ZFHX3: variants seen among roughly 807,000 people sequenced by gnomAD.
The protein encoded by ZFHX3 is zinc finger homeobox 3.
Under a neutral mutation model 279.1 loss-of-function variants are expected in ZFHX3, and 42 were observed. The observed-to-expected ratio is 0.15, with a 90% CI of 0.12 to 0.19. The LOEUF (loss-of-function observed/expected upper bound fraction) is 0.19, where lower values mean the gene tolerates loss of function less well. Ranked by LOEUF, ZFHX3 falls within the 10% of genes least tolerant of loss-of-function variation. The pLI, the probability that ZFHX3 is intolerant of heterozygous loss-of-function variation, is 1.00. For synonymous variants in ZFHX3, 2,293 were observed against 1,957.8 expected, an observed-to-expected ratio of 1.17 and a Z score of -4.52; for missense variants, 4,981 against 4,754.0, an observed-to-expected ratio of 1.05 and a Z score of -1.40.
chr16:73,393,895 AT>A (rs1172570931), intron 3 of ZFHX3, among the ~76,000 whole-genome samples: 1 of 148,114 alleles, frequency 6.8e-6, no homozygotes, highest in East Asian at 1.9e-4. Flanking sequence ...CATGTATATC[AT>A]ATATGTGATA....
chr16:72,811,846 T>TG, intron 6 of ZFHX3, 59 bp downstream of exon 6: 1 of 1,602,116 alleles, frequency 6.2e-7, no homozygotes, highest in Non-Finnish European at 8.5e-7. Context: ...AAAAGTTTGT[T>TG]CCCTACCAAT....
intron 1 of ZFHX3, among the ~76,000 whole-genome samples, chr16:73,022,794 T>C (rs1379531811): frequency 6.6e-6 from 1 of 152,102 alleles, no homozygotes; most frequent in Non-Finnish European, 1.5e-5. Context: ...AAAAAGTAGA[T>C]GTTCCTTCCA....
chr16:73,354,155 A>C (rs113189653), intron 3 of ZFHX3, among the ~76,000 whole-genome samples: 37 of 152,324 alleles, frequency 2.4e-4, no homozygotes, highest in African/African-American at 8.2e-4. Context: ...GCACGCACTT[A>C]CACTAAAACT....
In ZFHX3 at chr16:72,959,198, A is replaced by C. The variant is rs117011203; in HGVS notation, c.948T>G (p.Ile316Met). 6.2e-7 allele frequency: 1 copy of C among 1,614,174 alleles called. No individual in the cohort carries two copies. The highest frequency in any genetic ancestry group is 1.7e-5 in the Admixed American group (1 of 60,030). The stretch of plus-strand genomic sequence containing the variant: ...TAGCGGAGATGTTCTTATTGCTAAG[A>C]ATTTTCCGCTCGTCTTCGCTCAGGG... ...RMTLSEDERK[I>M]LSNKNISAII... is the part of the protein sequence containing the mutation. The change falls in exon 2 of 10, where the codon ATT becomes ATG. Residue 316 changes from isoleucine (I) to methionine (M), a missense_variant. By Grantham distance (10) the Ile-to-Met change is conservative. Around this residue, in one of 7 missense-constraint regions of ZFHX3, gnomAD observed 1,068 missense variants for 935.2 expected, o/e 1.14. Coordinates refer to ENST00000268489, the MANE Select transcript of ZFHX3 (RefSeq NM_006885.4).
At chr16:73,227,255 A>T (rs756657129) in intron 5 of ZFHX3, among the ~76,000 whole-genome samples, 2 of 152,226 alleles carry the variant, frequency 1.3e-5, no homozygotes, top group African/African-American at 4.8e-5. Context: ...TGTGGTTCTT[A>T]ATAAGATTTT....
At position 72,787,039 on chromosome 16, in the gene ZFHX3, CTTTTTTTT is replaced by C. The variant is rs76239888; in HGVS notation, c.*117_*124del. On this transcript the variant is annotated 3_prime_UTR_variant, in exon 10 of 10. Coordinates refer to ENST00000268489, the MANE Select transcript of ZFHX3 (RefSeq NM_006885.4). ...ACAACCCACGCTTTTTCTTTTTTTT[CTTTTTTTT>C]TTTTTTTTTGTTTTTTGGTTAGAAG... 61 of 684,962 alleles carry C rather than the reference CTTTTTTTT, an allele frequency of 8.9e-5. 2 individuals are homozygous for C. In the South Asian group the frequency reaches 1.5e-3, roughly 17 times the overall value. The allele number at this position is 684,962 out of a possible 1,614,324, so 42.4% of individuals were successfully genotyped here. A position where few individuals can be genotyped will look rare whatever the true frequency, so the allele number is the denominator to read the frequency against.
At chr16:73,009,969 C>A (rs1328105584) in intron 1 of ZFHX3, among the ~76,000 whole-genome samples, 1 of 148,334 alleles carries the variant, frequency 6.7e-6, no homozygotes, top group Admixed American at 6.9e-5. Flanking sequence ...TGCAGTGAGC[C>A]GAGATTGCAT....
At chr16:72,803,507 A>T (rs1358119589) in intron 7 of ZFHX3, among the ~76,000 whole-genome samples, 1 of 152,178 alleles carries the variant, frequency 6.6e-6, no homozygotes, top group Admixed American at 6.5e-5. Context: ...TGGTCCTACC[A>T]CCAATTTTCC....
intron 2 of ZFHX3, among the ~76,000 whole-genome samples, chr16:73,539,889 T>G (rs542006560): frequency 6.6e-6 from 1 of 152,296 alleles, no homozygotes; most frequent in South Asian, 2.1e-4. Context: ...AGAAATTGCT[T>G]TTCGACGCCC....
intron 1 of ZFHX3, among the ~76,000 whole-genome samples, chr16:73,832,250 C>T (rs1961018176): frequency 6.6e-6 from 1 of 151,616 alleles, no homozygotes; most frequent in East Asian, 1.9e-4. Context: ...GGTTTTTGAC[C>T]CAGGTGGCAG....
chr16:73,018,283 C>G lies in ZFHX3; in HGVS notation c.-50+29469G>C, dbSNP rs560834040. Among the ~76,000 whole-genome samples the G allele has an allele frequency of 3.3e-3, 508 of 151,750 alleles. 1 individual carries two copies. The highest frequency in any genetic ancestry group is 7.4e-3 in the South Asian group (35 of 4,750). ...CTGGGATGACAGGCGTGAGCATACA[C>G]GCCTGGCCATGGTTTTGATCTTATA... On this transcript the variant is annotated intron_variant, in intron 1 of 9. Transcript: ENST00000268489.
At chr16:73,199,794 C>T (rs1968229300) in intron 5 of ZFHX3, among the ~76,000 whole-genome samples, 1 of 152,128 alleles carries the variant, frequency 6.6e-6, no homozygotes, top group Admixed American at 6.6e-5. Flanking sequence ...AGAGGGTGAA[C>T]GAGGCCAACT....
chr16:73,717,644 G>A (rs2053429169), intron 1 of ZFHX3, among the ~76,000 whole-genome samples: 1 of 152,108 alleles, frequency 6.6e-6, no homozygotes, highest in Non-Finnish European at 1.5e-5. Flanking sequence ...AGGAGGGTTG[G>A]AGCTTACTCT....
At chr16:73,072,447 A>G (rs1965836070) in intron 8 of ZFHX3, among the ~76,000 whole-genome samples, 1 of 145,424 alleles carries the variant, frequency 6.9e-6, no homozygotes, top group Non-Finnish European at 1.5e-5. Context: ...TCCGTCTCAA[A>G]AAAAAAAAAA....
intron 9 of ZFHX3, chr16:72,789,273 C>T (rs1448540364): frequency 1.2e-5 from 2 of 160,682 alleles, no homozygotes; most frequent in African/African-American, 4.8e-5. Flanking sequence ...ACTTCCCCTT[C>T]CAGCCAAACA....
intron 2 of ZFHX3, among the ~76,000 whole-genome samples, chr16:73,532,929 G>A (rs984523844): frequency 1.3e-5 from 2 of 152,104 alleles, no homozygotes; most frequent in African/African-American, 4.8e-5. Context: ...TAAAGGGGGG[G>A]CCTTCTGCCA....
At chr16:73,570,298 C>G (rs2051720197) in intron 2 of ZFHX3, among the ~76,000 whole-genome samples, 1 of 152,204 alleles carries the variant, frequency 6.6e-6, no homozygotes. Flanking sequence ...TTCTGCTTTG[C>G]AACTTTCATC....
chr16:72,889,156 G>GAAGCAGC (rs2038704927), intron 4 of ZFHX3, among the ~76,000 whole-genome samples: 1 of 152,092 alleles, frequency 6.6e-6, no homozygotes, highest in African/African-American at 2.4e-5. Context: ...TCGACGCATT[G>GAAGCAGC]AAGCAGCAAG....
At chr16:73,713,984 G>T (rs16972348) in intron 1 of ZFHX3, among the ~76,000 whole-genome samples, 1 of 152,082 alleles carries the variant, frequency 6.6e-6, no homozygotes, top group African/African-American at 2.4e-5. Flanking sequence ...GCAGATCACC[G>T]ATACCCAGCG....
Sources: gnomAD v4.1 joint callset for allele counts (sites outside exome capture counted in the v4.1 genomes callset) on GRCh38, gnomAD v4.1.1 for gene constraint, gnomAD v4.1.1 regional missense constraint, MANE v1.5 for transcripts, NCBI Gene and HGNC (gene_info 2026-07-23, HGNC 2026-07-21) for gene names.